Variants in AZGP1 observed in about 807,000 individuals in gnomAD.
AZGP1 encodes zinc-alpha-2-glycoprotein.
A neutral mutation model predicts 31.5 loss-of-function variants in AZGP1; 28 were observed. That is an observed-to-expected ratio of 0.89 (90% CI 0.66 to 1.22). The LOEUF (loss-of-function observed/expected upper bound fraction) is 1.22. Ranked by LOEUF, AZGP1 falls within the 50% of genes most tolerant of loss-of-function variation. AZGP1 has a pLI of 0.00. For synonymous variants in AZGP1, 135 were observed against 145.4 expected (o/e 0.93, Z 0.51); for missense variants, 361 against 371.8 (o/e 0.97, Z 0.24).
intron 2 of AZGP1, among the ~76,000 whole-genome samples, chr7:99,969,066 G>A (rs1434090500): frequency 1.4e-5 from 2 of 146,222 alleles, no homozygotes; most frequent in Admixed American, 6.9e-5. Flanking sequence ...CTTAGGTCAT[G>A]AGTTCGAGAC....
intron 1 of AZGP1, among the ~76,000 whole-genome samples, chr7:99,972,643 T>C (rs1045090773): frequency 1.3e-5 from 2 of 152,128 alleles, no homozygotes; most frequent in Admixed American, 1.3e-4. Flanking sequence ...TGAAACCCCA[T>C]CTCTATTAAA....
intron 1 of AZGP1, among the ~76,000 whole-genome samples, chr7:99,972,753 G>A (rs1423907237): frequency 6.6e-6 from 1 of 152,174 alleles, no homozygotes; most frequent in Non-Finnish European, 1.5e-5. Context: ...GGCAGAGGTT[G>A]CAACAAGCCA....
intron 1 of AZGP1, among the ~76,000 whole-genome samples, chr7:99,974,822 G>A (rs1446537682): frequency 6.6e-6 from 1 of 151,626 alleles, no homozygotes; most frequent in Non-Finnish European, 1.5e-5. Flanking sequence ...AAAATCAGTA[G>A]ACCTTGAGTA....
chr7:99,969,654 G>A (rs1337136201), intron 2 of AZGP1, among the ~76,000 whole-genome samples: 2 of 151,892 alleles, frequency 1.3e-5, no homozygotes, highest in African/African-American at 4.8e-5. Context: ...ACAATTATTT[G>A]TTTGAATTTA....
rs765989130 is a variant in AZGP1 at position 99,968,440 on chromosome 7, C to T, written c.338-10G>A. On this transcript the variant is annotated splice_polypyrimidine_tract_variant and intron_variant, in intron 2 of 3. Coordinates refer to ENST00000292401, the MANE Select transcript of AZGP1 (RefSeq NM_001185.4). ...TGCAATACGTGAGACCCTGAAAACT[C>T]CCCCGACCCCACAGAGAGACAGTCA... 4 of 1,611,420 alleles carry T rather than the reference C, an allele frequency of 2.5e-6. No homozygotes were observed. Among genetic ancestry groups the T allele is most frequent in the Non-Finnish European group, 3.4e-6 (4 of 1,179,438 alleles).
intron 1 of AZGP1, among the ~76,000 whole-genome samples, chr7:99,972,460 C>T (rs1409122657): frequency 6.6e-6 from 1 of 152,206 alleles, no homozygotes; most frequent in Non-Finnish European, 1.5e-5. Context: ...ATCCCTGAGT[C>T]ACCCCATGGA....
intron 3 of AZGP1, 169 bp from the exon 4 acceptor site, chr7:99,967,455 T>C: frequency 1.3e-6 from 1 of 745,348 alleles, no homozygotes; most frequent in Non-Finnish European, 2.1e-6. Context: ...GGCTGACGCT[T>C]TCCCTCTTGC....
intron 2 of AZGP1, among the ~76,000 whole-genome samples, chr7:99,970,983 T>C (rs1041447534): frequency 1.3e-5 from 2 of 152,154 alleles, no homozygotes; most frequent in Admixed American, 6.5e-5. Context: ...CCTCTGACCA[T>C]AGCGCAGGTG....
intron 3 of AZGP1, chr7:99,967,715 C>T (rs1269598403): frequency 2.3e-6 from 1 of 429,804 alleles, no homozygotes; most frequent in East Asian, 4.6e-5. Context: ...CACTGGCTTG[C>T]TCTTGTCCTT....
intron 3 of AZGP1, 74 bp from the exon 4 acceptor site, chr7:99,967,360 C>T: frequency 4.7e-6 from 7 of 1,497,972 alleles, no homozygotes; most frequent in South Asian, 1.3e-5. Context: ...CCTACCCCCA[C>T]CCCTGGATGT....
chr7:99,972,768 C>A (rs1187705816), intron 1 of AZGP1, among the ~76,000 whole-genome samples: 2 of 152,118 alleles, frequency 1.3e-5, no homozygotes, highest in Non-Finnish European at 1.5e-5. Flanking sequence ...AAGCCAAGAT[C>A]ATGCCACTGC....
chr7:99,972,741 G>A (rs1010088708), intron 1 of AZGP1, among the ~76,000 whole-genome samples: 1 of 152,188 alleles, frequency 6.6e-6, no homozygotes, highest in Non-Finnish European at 1.5e-5. Flanking sequence ...TTGAACCAGA[G>A]AGGCAGAGGT....
intron 2 of AZGP1, among the ~76,000 whole-genome samples, chr7:99,971,109 G>A (rs1789569800): frequency 6.6e-6 from 1 of 152,210 alleles, no homozygotes; most frequent in Non-Finnish European, 1.5e-5. Context: ...GCTACGGTGT[G>A]TGCTGGGTGC....
intron 2 of AZGP1, 75 bp from the exon 3 acceptor site, chr7:99,968,505 A>G: frequency 6.4e-7 from 1 of 1,551,196 alleles, no homozygotes; most frequent in Non-Finnish European, 8.7e-7. Flanking sequence ...TTAGTCTTGC[A>G]CATTGGGCAA....
chr7:99,975,775 C>G (rs1352510399), intron 1 of AZGP1, among the ~76,000 whole-genome samples, 170 bp downstream of exon 1: 1 of 152,180 alleles, frequency 6.6e-6, no homozygotes, highest in African/African-American at 2.4e-5. Context: ...CAGAGGCTCC[C>G]TGAATGCTCC....
At chr7:99,967,428 TC>T in intron 3 of AZGP1, 142 bp from the exon 4 acceptor site, 2 of 942,816 alleles carry the variant, frequency 2.1e-6, no homozygotes, top group Non-Finnish European at 1.6e-6. Flanking sequence ...CGGGAGACTT[TC>T]CAGAATATCA....
chr7:99,975,799 G>T, intron 1 of AZGP1, 146 bp downstream of exon 1: 1 of 805,418 alleles, frequency 1.2e-6, no homozygotes, highest in Non-Finnish European at 2.1e-6. Context: ...AAGTGTGTGA[G>T]CTGAGGGAGT....
At chr7:99,972,411 A>G (rs1789593991) in intron 1 of AZGP1, among the ~76,000 whole-genome samples, 1 of 152,222 alleles carries the variant, frequency 6.6e-6, no homozygotes, top group African/African-American at 2.4e-5. Context: ...TGAAGGCCAC[A>G]GGATAATATG....
At position 99,968,252 on chromosome 7, in the gene AZGP1, T is replaced by A. The variant is rs754902099; in HGVS notation, c.516A>T (p.Pro172=). The A allele has an allele frequency of 1.9e-6, 3 of 1,613,866 alleles. No individual in the cohort carries two copies. In the South Asian group the frequency reaches 3.3e-5, roughly 18 times the overall value. ...QITKQKWEAE[P]VYVQRAKAYL... is the part of the protein sequence containing the mutation. ...AAGCCTTGGCCCGCTGCACGTAGAC[T>A]GGTTCTGCCTCCCACTTCTGCTTGG... The change falls in exon 3 of 4, where the codon CCA becomes CCT. Residue 172 remains proline (P), a synonymous_variant. Transcript: ENST00000292401.
Sources: gnomAD v4.1 joint callset for allele counts (sites outside exome capture counted in the v4.1 genomes callset) on GRCh38, gnomAD v4.1.1 for gene constraint, MANE v1.5 for transcripts, NCBI Gene and HGNC (gene_info 2026-07-23, HGNC 2026-07-21) for gene names.